Variants in ZNF496 observed in about 807,000 individuals in gnomAD.
ZNF496 encodes NSD1 (nuclear receptor binding SET-domain containing 1)-interacting zinc finger protein 1.
Under a neutral mutation model 58.9 loss-of-function variants are expected in ZNF496, and 11 were observed. That is an observed-to-expected ratio of 0.19 (90% CI 0.12 to 0.31). The LOEUF (loss-of-function observed/expected upper bound fraction) is 0.31, where lower values mean the gene tolerates loss of function less well. Among genes scored for constraint, ZNF496 ranks in the 10% least tolerant of loss-of-function variants. The pLI, the probability that ZNF496 is intolerant of heterozygous loss-of-function variation, is 1.00. For synonymous variants in ZNF496, 338 were observed against 318.2 expected, an observed-to-expected ratio of 1.06 and a Z score of -0.66; for missense variants, 660 against 783.0, an observed-to-expected ratio of 0.84 and a Z score of 1.88.
chr1:247,310,070 T>G (rs1357822077), intron 7 of ZNF496: 84 of 1,428,474 alleles, frequency 5.9e-5, no homozygotes, highest in Non-Finnish European at 6.7e-5. Context: ...GGAAGAGAAA[T>G]GGACATACAG....
chr1:247,317,627 G>C (rs962330244), intron 6 of ZNF496, among the ~76,000 whole-genome samples: 1 of 151,580 alleles, frequency 6.6e-6, no homozygotes, highest in Non-Finnish European at 1.5e-5. Context: ...ACTCCCACTC[G>C]GGTGTATGAG....
At chr1:247,318,483 A>G (rs1659855721) in intron 6 of ZNF496, among the ~76,000 whole-genome samples, 1 of 152,230 alleles carries the variant, frequency 6.6e-6, no homozygotes, top group African/African-American at 2.4e-5. Flanking sequence ...AAAAATCTTA[A>G]AGGTAGCCAG....
intron 5 of ZNF496, among the ~76,000 whole-genome samples, chr1:247,324,287 C>A (rs1454642980): frequency 6.6e-6 from 1 of 152,090 alleles, no homozygotes; most frequent in African/African-American, 2.4e-5. Flanking sequence ...AAGCAGAGAT[C>A]AGAATGCTGG....
At position 247,309,609 on chromosome 1, in the gene ZNF496, C is replaced by T. The variant is rs549003312; in HGVS notation, c.892+90G>A. 9.6e-5 allele frequency: 149 copies of T among 1,549,270 alleles called. No individual in the cohort carries two copies. Among genetic ancestry groups the T allele is most frequent in the South Asian group, 3.3e-4 (27 of 82,204 alleles). On this transcript the variant is annotated intron_variant, in intron 8 of 9. Transcript: ENST00000682384. The surrounding 1 kb of genome is among the most constrained non-coding windows in gnomAD (Gnocchi z 4.3). ...GGAAATGAAGAAGGCAATTAGGGGC[C>T]GCAGAGAGAAGCCAGAGAGTGGGCT...
chr1:247,307,497 G>A, intron 9 of ZNF496: 7 of 985,400 alleles, frequency 7.1e-6, no homozygotes, highest in Non-Finnish European at 8.4e-6. Flanking sequence ...CATCAGGCCT[G>A]CGCTTGAACT....
At chr1:247,324,064 G>A (rs1196051198) in intron 5 of ZNF496, among the ~76,000 whole-genome samples, 1 of 147,950 alleles carries the variant, frequency 6.8e-6, no homozygotes, top group Non-Finnish European at 1.5e-5. Flanking sequence ...GACAGAACAT[G>A]GCTCTGTCTC....
chr1:247,310,371 T>A lies in ZNF496; in HGVS notation c.737A>T (p.Tyr246Phe), dbSNP rs1659561833. 2 of 1,614,008 alleles carry A rather than the reference T, an allele frequency of 1.2e-6. No homozygotes were observed. The highest frequency in any genetic ancestry group is 2.7e-5 in the African/African-American group (2 of 74,890). Residue 246 changes from tyrosine (Y) to phenylalanine (F), a missense_variant, in exon 7 of 10, where the codon TAT becomes TTT. Coordinates refer to ENST00000682384, the MANE Select transcript of ZNF496 (RefSeq NM_032752.3). ...ATCCTCCCCAATGATGAACTCTCCA[T>A]AGAAGCCAGTCTGGGCAGGATCTAG... ...SLLDPAQTGF[Y>F]GEFIIGEDYG...
chr1:247,320,558 C>A (rs552434475), intron 6 of ZNF496, among the ~76,000 whole-genome samples: 1 of 152,232 alleles, frequency 6.6e-6, no homozygotes, highest in East Asian at 1.9e-4. Context: ...CTCTATCTTG[C>A]ATGTATCATT....
chr1:247,322,233 C>T (rs139113956), intron 6 of ZNF496, among the ~76,000 whole-genome samples: 3 of 152,232 alleles, frequency 2.0e-5, no homozygotes, highest in Non-Finnish European at 4.4e-5. Context: ...CAGTGAACTA[C>T]GACTGTGCCA....
In ZNF496 at chr1:247,311,803, G is replaced by A. The variant is rs570345913; in HGVS notation, c.652-1347C>T. The A allele has an allele frequency of 3.3e-5, 5 of 152,276 alleles. No individual in the cohort carries two copies. In the South Asian group the frequency reaches 1.0e-3, roughly 32 times the overall value. 9.4% of individuals were successfully genotyped at this position (152,276 alleles called of 1,614,324 possible). On this transcript the variant is annotated intron_variant, in intron 6 of 9. Coordinates refer to ENST00000682384, the MANE Select transcript of ZNF496 (RefSeq NM_032752.3). Reference sequence around the variant, plus strand: ...GGTTCTCTGCAGTGGCCCCACCTCTGTGGCAGCTCTGTCTCTTTCAGAAGC... The same window carrying A: ...GGTTCTCTGCAGTGGCCCCACCTCTATGGCAGCTCTGTCTCTTTCAGAAGC...
intron 5 of ZNF496, among the ~76,000 whole-genome samples, chr1:247,327,659 T>C (rs1187408599): frequency 2.6e-5 from 4 of 152,250 alleles, no homozygotes. Context: ...AGAAATTTAA[T>C]AGGCATTTTG....
rs9725334 is a variant in ZNF496 at position 247,298,971 on chromosome 1, A to G, written c.*1548T>C. 0.56 allele frequency: 85,151 copies of G among 152,066 alleles called. 24,296 individuals are homozygous for G. The highest frequency in any genetic ancestry group is 0.78 in the Middle Eastern group (232 of 296). The allele number at this position is 152,066 out of a possible 1,614,324, so 9.4% of individuals were successfully genotyped here. On this transcript the variant is annotated 3_prime_UTR_variant, in exon 10 of 10. Coordinates refer to ENST00000682384, the MANE Select transcript of ZNF496 (RefSeq NM_032752.3). ...TCAGCGTTTACGGCTATTGAGTATG[A>G]TTCTTCCATGCAGAGGACACCTGCC...
intron 5 of ZNF496, 112 bp downstream of exon 5, chr1:247,328,571 G>T: frequency 8.5e-7 from 1 of 1,181,832 alleles, no homozygotes; most frequent in Non-Finnish European, 1.1e-6. Flanking sequence ...TCGGGGACAC[G>T]AGAACACTGC....
At chr1:247,312,459 A>T (rs1179139309) in intron 6 of ZNF496, 1 of 152,064 alleles carries the variant, frequency 6.6e-6, no homozygotes, top group East Asian at 1.9e-4. Flanking sequence ...ACTAGAAATC[A>T]CCCGTAATAG....
Position 247,300,857 on chromosome 1 carries a change from A to C in ZNF496, c.1426T>G (p.Ser476Ala). ...ATCCGCCGGTGGGAGAGCAGGTGGG[A>C]GTTCAGGCGGAAGCTCTTCCCGCAG... ...GACGKSFRLN[S>A]HLLSHRRIHL... Residue 476 changes from serine (S) to alanine (A), a missense_variant, in exon 10 of 10, where the codon TCC (serine) becomes GCC (alanine). Ser to Ala is a moderately conservative substitution (Grantham distance 99). Coordinates refer to ENST00000682384, the MANE Select transcript of ZNF496 (RefSeq NM_032752.3). The surrounding 1 kb of genome is among the most constrained non-coding windows in gnomAD (Gnocchi z 5.7). The C allele has an allele frequency of 1.9e-6, 3 of 1,610,818 alleles. No homozygotes were observed. The highest frequency in any genetic ancestry group is 2.5e-6 in the Non-Finnish European group (3 of 1,178,100).
chr1:247,303,155 C>A (rs551671070), intron 9 of ZNF496, among the ~76,000 whole-genome samples: 2 of 152,224 alleles, frequency 1.3e-5, no homozygotes, highest in South Asian at 4.1e-4. Flanking sequence ...AATCCAAAAT[C>A]ACTGGTCTTC....
Position 247,329,094 on chromosome 1 carries a change from G to C in ZNF496, c.390+95C>G, listed in dbSNP as rs988168396. On this transcript the variant is annotated intron_variant, in intron 4 of 9. Coordinates refer to ENST00000682384, the MANE Select transcript of ZNF496 (RefSeq NM_032752.3). The surrounding 1 kb of genome is among the most constrained non-coding windows in gnomAD (Gnocchi z 5.5). Reference sequence around the variant, plus strand: ...CTAACCAAAGTAAATGGCTCTCGATGGAACTCCTCATTCCCCAGCCAGCAC... The same window carrying C: ...CTAACCAAAGTAAATGGCTCTCGATCGAACTCCTCATTCCCCAGCCAGCAC... 1.3e-5 allele frequency: 20 copies of C among 1,577,054 alleles called. No individual in the cohort carries two copies. In the African/African-American group the frequency reaches 1.8e-4, roughly 14 times the overall value.
At position 247,300,893 on chromosome 1, in the gene ZNF496, G is replaced by A. The variant is rs1001444124; in HGVS notation, c.1390C>T (p.Arg464Trp). ...LESHEAQKPY[R>W]CGACGKSFRL... is the part of the protein sequence containing the mutation. ...AAGCTCTTCCCGCAGGCACCACACC[G>A]GTAAGGCTTCTGGGCCTCGTGGCTC... The change falls in exon 10 of 10, where the codon CGG (arginine) becomes TGG (tryptophan). Residue 464 changes from arginine (R) to tryptophan (W), a missense_variant. Physicochemically the swap from Arg to Trp is moderately radical, Grantham distance 101. Transcript: ENST00000682384. The surrounding 1 kb of genome is among the most constrained non-coding windows in gnomAD (Gnocchi z 5.7). The A allele has an allele frequency of 3.1e-6, 5 of 1,612,396 alleles. No individual in the cohort carries two copies. The highest frequency in any genetic ancestry group is 4.2e-6 in the Non-Finnish European group (5 of 1,179,018).
At chr1:247,307,061 A>T (rs575807364) in intron 9 of ZNF496, 1 of 981,088 alleles carries the variant, frequency 1.0e-6, no homozygotes, top group East Asian at 1.1e-4. Flanking sequence ...GGCAATTCAT[A>T]GAACACAATA....
Sources: gnomAD v4.1 joint callset for allele counts (sites outside exome capture counted in the v4.1 genomes callset) on GRCh38, gnomAD v4.1.1 for gene constraint, Gnocchi (gnomAD v3.1) non-coding constraint, MANE v1.5 for transcripts, NCBI Gene and HGNC (gene_info 2026-07-23, HGNC 2026-07-21) for gene names.